The following ZNF76 variants were observed in gnomAD, a reference collection of about 807,000 sequenced individuals.
ZNF76 encodes the protein zinc finger protein 523.
A neutral mutation model predicts 66.9 loss-of-function variants in ZNF76; 66 were observed. The observed-to-expected ratio is 0.99, with a 90% CI of 0.81 to 1.21. The LOEUF (loss-of-function observed/expected upper bound fraction) is 1.21. ZNF76 is among the 50% of genes most tolerant of loss of function. The pLI is 0.00. For synonymous variants in ZNF76, 275 were observed against 296.1 expected (o/e 0.93, Z 0.73); for missense variants, 729 against 760.3 (o/e 0.96, Z 0.48).
At chr6:35,279,714 A>C (rs939119218) in intron 1 of ZNF76, 5 of 152,152 alleles carry the variant, frequency 3.3e-5, no homozygotes, top group African/African-American at 9.7e-5. Flanking sequence ...GTCGTGAGCC[A>C]CCGCACTTGG....
At chr6:35,271,475 C>T (rs1269083801) in intron 1 of ZNF76, among the ~76,000 whole-genome samples, 1 of 152,192 alleles carries the variant, frequency 6.6e-6, no homozygotes, top group African/African-American at 2.4e-5. Flanking sequence ...TAGAGATCAG[C>T]CTGGCCAGTA....
intron 2 of ZNF76, among the ~76,000 whole-genome samples, chr6:35,284,111 A>G (rs995264229): frequency 6.6e-6 from 1 of 150,502 alleles, no homozygotes; most frequent in Non-Finnish European, 1.5e-5. Flanking sequence ...TTTTTTTTTG[A>G]GACGGAGTCT....
intron 2 of ZNF76, among the ~76,000 whole-genome samples, chr6:35,282,686 T>A (rs1420230141): frequency 6.6e-6 from 1 of 152,254 alleles, no homozygotes; most frequent in Non-Finnish European, 1.5e-5. Flanking sequence ...ATTGCAACAT[T>A]GCCCTCCTTT....
intron 1 of ZNF76, among the ~76,000 whole-genome samples, chr6:35,265,522 AGAAG>A (rs1259505500): frequency 1.6e-5 from 2 of 126,300 alleles, no homozygotes; most frequent in African/African-American, 4.4e-5. Flanking sequence ...AAAAAAAAAA[AGAAG>A]AAGAAGAAGA....
chr6:35,274,026 A>G (rs916207875), intron 1 of ZNF76, among the ~76,000 whole-genome samples: 2 of 152,176 alleles, frequency 1.3e-5, no homozygotes, highest in Admixed American at 1.3e-4. Context: ...TTCTGCGTGT[A>G]GTGAAGTATT....
intron 1 of ZNF76, chr6:35,279,089 G>A (rs1465504736): frequency 6.6e-6 from 1 of 152,316 alleles, no homozygotes; most frequent in African/African-American, 2.4e-5. Context: ...GGAAACTATG[G>A]AAGGGTTTTA....
intron 1 of ZNF76, among the ~76,000 whole-genome samples, chr6:35,261,490 C>T (rs761113149): frequency 2.8e-5 from 4 of 143,334 alleles, no homozygotes; most frequent in African/African-American, 7.4e-5. Context: ...ATTATATCCA[C>T]CATTTTCCCT....
chr6:35,291,846 C>T, intron 9 of ZNF76, 109 bp downstream of exon 9: 2 of 1,333,630 alleles, frequency 1.5e-6, no homozygotes, highest in East Asian at 2.5e-5. Flanking sequence ...CCCTTCTGTG[C>T]CAGCCATTCC....
At position 35,286,223 on chromosome 6, in the gene ZNF76, A is replaced by G. The variant is rs1554193264; in HGVS notation, c.154+15A>G. On this transcript the variant is annotated intron_variant, in intron 3 of 13. Coordinates refer to ENST00000373953, the MANE Select transcript of ZNF76 (RefSeq NM_003427.5). ...GGTACAGAAAGGTGAGGGCACCCCA[A>G]CACACCATGCCTTGTCGAGGGAAGC... 6.2e-6 allele frequency: 10 copies of G among 1,613,958 alleles called. No individual in the cohort carries two copies. The highest frequency in any genetic ancestry group is 6.8e-6 in the Non-Finnish European group (8 of 1,179,962).
At chr6:35,267,126 G>A (rs1415067576) in intron 1 of ZNF76, among the ~76,000 whole-genome samples, 1 of 149,206 alleles carries the variant, frequency 6.7e-6, no homozygotes, top group Non-Finnish European at 1.5e-5. Context: ...ACAAGGTCTT[G>A]TTCTGTCACC....
chr6:35,267,615 T>C (rs1241244514), intron 1 of ZNF76, among the ~76,000 whole-genome samples: 2 of 152,246 alleles, frequency 1.3e-5, no homozygotes, highest in Non-Finnish European at 2.9e-5. Flanking sequence ...TGGTGGGCAC[T>C]ATGTCACATG....
chr6:35,270,886 A>G (rs1405077857), intron 1 of ZNF76, among the ~76,000 whole-genome samples: 7 of 152,194 alleles, frequency 4.6e-5, no homozygotes, highest in Non-Finnish European at 8.8e-5. Flanking sequence ...ATGACATTAC[A>G]TAAAAAGCAC....
chr6:35,286,586 A>G, intron 4 of ZNF76, 187 bp downstream of exon 4: 1 of 633,144 alleles, frequency 1.6e-6, no homozygotes, highest in Non-Finnish European at 2.8e-6. Context: ...CCACAGGAGC[A>G]GCTATGTCTG....
intron 13 of ZNF76, 47 bp from the exon 14 acceptor site, chr6:35,295,097 A>C: frequency 6.8e-7 from 1 of 1,474,028 alleles, no homozygotes; most frequent in Non-Finnish European, 9.4e-7. Flanking sequence ...GGAATCTAGC[A>C]GGGAGGGTCT....
intron 1 of ZNF76, among the ~76,000 whole-genome samples, chr6:35,273,275 C>A (rs532714144): frequency 6.6e-6 from 1 of 151,238 alleles, no homozygotes; most frequent in Non-Finnish European, 1.5e-5. Context: ...CAGGTTCAAG[C>A]GATTATCTTG....
At chr6:35,262,059 A>G (rs1785335965) in intron 1 of ZNF76, among the ~76,000 whole-genome samples, 1 of 152,244 alleles carries the variant, frequency 6.6e-6, no homozygotes, top group African/African-American at 2.4e-5. Context: ...ACCTAAAGAA[A>G]TGATTAAACT....
chr6:35,295,150 G>T lies in ZNF76; in HGVS notation c.1615G>T (p.Glu539Ter). The change falls in exon 14 of 14, where the codon GAA becomes TAA. Residue 539 changes from glutamate (E) to a stop codon, truncating the protein, a stop_gained. Coordinates refer to ENST00000373953, the MANE Select transcript of ZNF76 (RefSeq NM_003427.5). LOFTEE classifies it high-confidence loss of function. Reference sequence around the variant, plus strand: ...TGCACCCCCTTCCCCACAGCTGGAGGAACAGCAGACCTTAGAGGAGGCCAT... The same window carrying T: ...TGCACCCCCTTCCCCACAGCTGGAGTAACAGCAGACCTTAGAGGAGGCCAT... ...NGTHIAVQLEEQQTLEEAINV... is the reference protein window; with the variant it reads ...NGTHIAVQLE The T allele has an allele frequency of 6.2e-7, 1 of 1,611,442 alleles. No individual in the cohort carries two copies. The highest frequency in any genetic ancestry group is 8.5e-7 in the Non-Finnish European group (1 of 1,178,664).
chr6:35,285,981 G>A, intron 2 of ZNF76, 147 bp from the exon 3 acceptor site: 1 of 744,446 alleles, frequency 1.3e-6, no homozygotes, highest in Non-Finnish European at 2.3e-6. Context: ...CAGGGAGACA[G>A]AGCAAGGGAA....
intron 7 of ZNF76, chr6:35,291,015 C>T: frequency 1.7e-6 from 1 of 594,796 alleles, no homozygotes. Flanking sequence ...GGCTTATTTT[C>T]CCCTCTGTGA....
Sources: gnomAD v4.1 joint callset for allele counts (sites outside exome capture counted in the v4.1 genomes callset) on GRCh38, gnomAD v4.1.1 for gene constraint, MANE v1.5 for transcripts, NCBI Gene and HGNC (gene_info 2026-07-23, HGNC 2026-07-21) for gene names.